Variants in POLR3C observed in about 807,000 individuals in gnomAD.
POLR3C encodes RNA polymerase III subunit C.
A neutral mutation model predicts 65.9 loss-of-function variants in POLR3C; 44 were observed. The ratio of observed to expected loss-of-function variants is 0.67; its 90% CI spans 0.52 to 0.86. The LOEUF is 0.86. Among genes scored for constraint, POLR3C ranks in the 40% least tolerant of loss-of-function variants. POLR3C has a pLI of 0.00. For missense variants in POLR3C, 576 were observed against 653.2 expected, an observed-to-expected ratio of 0.88 and a Z score of 1.29; for synonymous variants, 263 against 231.6, an observed-to-expected ratio of 1.14 and a Z score of -1.23.
chr1:145,834,854 C>A (rs1651669308), intron 7 of POLR3C, among the ~76,000 whole-genome samples: 1 of 151,954 alleles, frequency 6.6e-6, no homozygotes. Context: ...TTTTAAAGTT[C>A]TATGGCCAGG....
rs201193847 is a variant in POLR3C, at chr1:145,840,000, A to G, written c.1323+9A>G. 152 of 1,574,450 alleles carry G rather than the reference A, an allele frequency of 9.7e-5. No individual in the cohort carries two copies. The highest frequency in any genetic ancestry group is 4.3e-4 in the East Asian group (19 of 44,646). ...TGCACAGGTGCTACAAGGTAACTCA[A>G]TCTGGACCTTCTCCCCATTTCCTCC... On this transcript the variant is annotated intron_variant, in intron 12 of 14. Coordinates refer to ENST00000334163, the MANE Select transcript of POLR3C (RefSeq NM_006468.8).
intron 5 of POLR3C, 126 bp from the exon 6 acceptor site, chr1:145,833,133 GA>G (rs1407037422): frequency 3.3e-6 from 2 of 605,450 alleles, no homozygotes; most frequent in Non-Finnish European, 5.9e-6. Flanking sequence ...CTACATGACT[GA>G]ATGATTTTTT....
Position 145,833,336 on chromosome 1 carries a change from T to C in POLR3C, c.755T>C (p.Val252Ala). 1 of 1,613,242 alleles carries C rather than the reference T, an allele frequency of 6.2e-7. No individual in the cohort carries two copies. The highest frequency in any genetic ancestry group is 8.5e-7 in the Non-Finnish European group (1 of 1,179,246). Residue 252 changes from valine to alanine, a missense_variant, in exon 6 of 15, where the codon GTG (valine) becomes GCG (alanine). Val to Ala is a moderately conservative substitution (Grantham distance 64). Transcript: ENST00000334163. ...CAACACTTCCGTGACCAAGCCATTG[T>C]GAGCGCAGTTGCTAACAGGATGGAC... ...FHQHFRDQAIVSAVANRMDQT... is the reference protein window; with the variant it reads ...FHQHFRDQAIASAVANRMDQT...
intron 7 of POLR3C, among the ~76,000 whole-genome samples, chr1:145,835,604 G>A (rs1651748808): frequency 6.6e-6 from 1 of 151,724 alleles, no homozygotes; most frequent in Non-Finnish European, 1.5e-5. Flanking sequence ...ACAGAGTCTT[G>A]TACTCTTTCA....
Position 145,842,321 on chromosome 1 carries a change from C to T in POLR3C, c.1524-18C>T. On this transcript the variant is annotated intron_variant, in intron 14 of 14. Transcript: ENST00000334163. ...AATGAACATTCAGTCTAGGCAAATGCCTTTACTTTTCACTCAGGTTGGATG... is the reference window on the plus strand; with the variant it reads ...AATGAACATTCAGTCTAGGCAAATGTCTTTACTTTTCACTCAGGTTGGATG... 2 of 1,526,856 alleles carry T rather than the reference C, an allele frequency of 1.3e-6. No individual in the cohort carries two copies. Among genetic ancestry groups the T allele is most frequent in the Middle Eastern group, 1.7e-4 (1 of 5,900 alleles). The allele number at this position is 1,526,856 out of a possible 1,614,324, so 94.6% of individuals were successfully genotyped here.
chr1:145,832,837 CA>C (rs1651448759), intron 5 of POLR3C, among the ~76,000 whole-genome samples: 1 of 152,088 alleles, frequency 6.6e-6, no homozygotes. Context: ...GCCTGGCCAA[CA>C]TTGTAAAACC....
At chr1:145,841,268 T>C (rs1034641911) in intron 14 of POLR3C, among the ~76,000 whole-genome samples, 197 bp downstream of exon 14, 3 of 152,226 alleles carry the variant, frequency 2.0e-5, no homozygotes, top group African/African-American at 7.2e-5. Flanking sequence ...CATCACCATA[T>C]ACACTCTCTT....
At chr1:145,828,389 T>G (rs1200505426) in intron 4 of POLR3C, among the ~76,000 whole-genome samples, 1 of 152,116 alleles carries the variant, frequency 6.6e-6, no homozygotes, top group Non-Finnish European at 1.5e-5. Flanking sequence ...ACAGAAAGGA[T>G]GGGAGAATGG....
In POLR3C at chr1:145,841,087, T is replaced by G. The variant is rs1553730438; in HGVS notation, c.1523+16T>G. ...ATGTCAACAAGTAAGCATCATAAAC[T>G]TCAGACCTGCATTTCAGAATACCAT... On this transcript the variant is annotated intron_variant, in intron 14 of 14. Transcript: ENST00000334163. 3 of 1,608,824 alleles carry G rather than the reference T, an allele frequency of 1.9e-6. No individual in the cohort carries two copies.
intron 5 of POLR3C, among the ~76,000 whole-genome samples, chr1:145,831,585 C>T (rs1553727206): frequency 6.6e-6 from 1 of 151,360 alleles, no homozygotes; most frequent in Non-Finnish European, 1.5e-5. Flanking sequence ...TAGTTGAAGC[C>T]TGGAGAGCAG....
At chr1:145,827,053 T>G (rs1553726020) in intron 4 of POLR3C, 48 bp downstream of exon 4, 1 of 1,334,854 alleles carries the variant, frequency 7.5e-7, no homozygotes, top group Admixed American at 2.0e-5. Flanking sequence ...AATTGTGGAT[T>G]CTTCTTGATT....
In POLR3C at chr1:145,826,801, T is replaced by G; in HGVS notation, c.404-19T>G. Reference sequence around the variant, plus strand: ...CTATCTTAGGCCATCTCATCTGCCTTTTTCCTCCTGTTATACAGATGGCAA... The same window carrying G: ...CTATCTTAGGCCATCTCATCTGCCTGTTTCCTCCTGTTATACAGATGGCAA... On this transcript the variant is annotated intron_variant, in intron 3 of 14. Transcript: ENST00000334163. 6.2e-7 allele frequency: 1 copy of G among 1,605,008 alleles called. No homozygotes were observed.
Position 145,833,268 on chromosome 1 carries a change from A to G in POLR3C, c.687A>G (p.Pro229=), listed in dbSNP as rs199669972. ...CTAAATCTTTTCCTCAGCCCATTCC[A>G]GATGATGGGATTTATTGGCAGGCCA... ...KYTTDNKEPI[P]DDGIYWQANL... is the part of the protein sequence containing the mutation. The change falls in exon 6 of 15, where the codon CCA becomes CCG. Residue 229 remains proline (P), a synonymous_variant. Coordinates refer to ENST00000334163, the MANE Select transcript of POLR3C (RefSeq NM_006468.8). The G allele has an allele frequency of 6.2e-6, 10 of 1,601,974 alleles. No individual in the cohort carries two copies. The East Asian group carries it at 2.0e-4, about 32-fold the overall frequency.
intron 5 of POLR3C, 59 bp downstream of exon 5, chr1:145,828,896 G>A: frequency 1.1e-6 from 1 of 895,236 alleles, no homozygotes; most frequent in Non-Finnish European, 1.9e-6. Context: ...AGAGCACTCA[G>A]ATAACAAGCC....
intron 11 of POLR3C, 104 bp from the exon 12 acceptor site, chr1:145,839,786 T>C: frequency 2.9e-6 from 2 of 682,880 alleles, no homozygotes; most frequent in East Asian, 5.0e-5. Flanking sequence ...CAGGAAAGTG[T>C]AAGTAAAAAG....
chr1:145,838,542 G>A (rs1553729499), intron 11 of POLR3C, among the ~76,000 whole-genome samples: 1 of 152,020 alleles, frequency 6.6e-6, no homozygotes. Flanking sequence ...AATTAGCTGG[G>A]CCTGGTGGCA....
chr1:145,832,237 A>G (rs1220492356), intron 5 of POLR3C, among the ~76,000 whole-genome samples: 2 of 152,244 alleles, frequency 1.3e-5, no homozygotes, highest in Non-Finnish European at 2.9e-5. Context: ...TTGACATTTC[A>G]GTACAATAGT....
rs1194201273 is a variant in POLR3C at position 145,842,994 on chromosome 1, A to T, written c.*574A>T. On this transcript the variant is annotated 3_prime_UTR_variant, in exon 15 of 15. Transcript: ENST00000334163. ...ATACCCAGCTATTTTTTATTTATTTATTTATTTTTTTGTAGAGACAGGGCC... is the reference window on the plus strand; with the variant it reads ...ATACCCAGCTATTTTTTATTTATTTTTTTATTTTTTTGTAGAGACAGGGCC... 1.2e-4 allele frequency among the ~76,000 whole-genome samples: 18 copies of T among 151,242 alleles called. No homozygotes were observed. Among genetic ancestry groups the T allele is most frequent in the East Asian group, 7.7e-4 (4 of 5,162 alleles).
chr1:145,835,998 C>T (rs151180374), intron 7 of POLR3C, among the ~76,000 whole-genome samples: 177 of 152,144 alleles, frequency 1.2e-3, no homozygotes, highest in Non-Finnish European at 2.1e-3. Flanking sequence ...ACTTAATGGC[C>T]GTGCTATATT....
Sources: allele counts gnomAD v4.1 joint callset (sites outside exome capture counted in the v4.1 genomes callset), GRCh38; gene constraint gnomAD v4.1.1; transcripts MANE v1.5; gene names NCBI Gene and HGNC (gene_info 2026-07-23, HGNC 2026-07-21).